Variants in PIP5K1C observed in about 807,000 individuals in gnomAD.
PIP5K1C encodes the protein phosphatidylinositol 4-phosphate 5-kinase type-1 gamma.
PIP5K1C carries 45 observed loss-of-function variants against 80.1 expected under a neutral mutation model. The observed-to-expected ratio is 0.56, with a 90% CI of 0.44 to 0.72. PIP5K1C has a LOEUF of 0.72. Ranked by LOEUF, PIP5K1C falls within the 30% of genes least tolerant of loss-of-function variation. PIP5K1C has a pLI of 0.00. For missense variants in PIP5K1C, 753 were observed against 954.6 expected (o/e 0.79, Z 2.78); for synonymous variants, 498 against 420.1 (o/e 1.19, Z -2.27).
intron 4 of PIP5K1C, among the ~76,000 whole-genome samples, 163 bp downstream of exon 4, chr19:3,661,707 CA>C (rs1250359264): frequency 2.6e-5 from 4 of 152,394 alleles, no homozygotes; most frequent in African/African-American, 9.6e-5. Flanking sequence ...GATTCAGCAG[CA>C]AACAAACGTC....
chr19:3,699,805 G>GGCCC (rs2036240575), intron 1 of PIP5K1C, among the ~76,000 whole-genome samples: 1 of 152,208 alleles, frequency 6.6e-6, no homozygotes, highest in Non-Finnish European at 1.5e-5. Context: ...CACAGCCGGG[G>GGCCC]CGGTGGAGGC....
At chr19:3,641,137 C>T (rs2033943242) in intron 15 of PIP5K1C, among the ~76,000 whole-genome samples, 1 of 151,974 alleles carries the variant, frequency 6.6e-6, no homozygotes, top group South Asian at 2.1e-4. Context: ...ATCACTTGAA[C>T]CTGGGAGACG....
At chr19:3,682,805 A>G (rs1264693469) in intron 1 of PIP5K1C, among the ~76,000 whole-genome samples, 1 of 152,192 alleles carries the variant, frequency 6.6e-6, no homozygotes, top group Non-Finnish European at 1.5e-5. Context: ...CCACAGCCTC[A>G]TGAGAGACCC....
chr19:3,672,181 A>T (rs962825262), intron 1 of PIP5K1C, among the ~76,000 whole-genome samples: 1 of 152,190 alleles, frequency 6.6e-6, no homozygotes, highest in African/African-American at 2.4e-5. Context: ...CTCTCTCTAT[A>T]AAGTGCGGCT....
At chr19:3,639,389 G>A (rs569995977) in intron 15 of PIP5K1C, among the ~76,000 whole-genome samples, 1 of 152,318 alleles carries the variant, frequency 6.6e-6, no homozygotes, top group African/African-American at 2.4e-5. Context: ...GTCAAGTGGG[G>A]AGAGATGGCA....
In PIP5K1C at chr19:3,691,409, A is replaced by C. The variant is rs555734475; in HGVS notation, c.94+8888T>G. ...TTGCAAACGGCCCGCCTGCGAGCAC[A>C]CTGTGACGTGCAGAGCAACCAACCG... On this transcript the variant is annotated intron_variant, in intron 1 of 17. Transcript: ENST00000335312. Among the ~76,000 whole-genome samples, 5 of 152,274 alleles carry C rather than the reference A, an allele frequency of 3.3e-5. No individual in the cohort carries two copies. In the South Asian group the frequency reaches 8.3e-4, roughly 25 times the overall value.
intron 1 of PIP5K1C, among the ~76,000 whole-genome samples, chr19:3,684,956 G>A (rs1009558418): frequency 6.6e-6 from 1 of 152,198 alleles, no homozygotes; most frequent in Non-Finnish European, 1.5e-5. Context: ...TGGGATGGGG[G>A]AGGGTCTCTT....
chr19:3,662,103 G>T (rs748223083), intron 3 of PIP5K1C, 102 bp from the exon 4 acceptor site: 1 of 1,421,276 alleles, frequency 7.0e-7, no homozygotes, highest in Non-Finnish European at 9.5e-7. Flanking sequence ...CTGCAGCTTG[G>T]GACCCGGCAC....
intron 17 of PIP5K1C, 103 bp downstream of exon 17, chr19:3,633,334 C>G: frequency 1.1e-6 from 1 of 906,960 alleles, no homozygotes; most frequent in Non-Finnish European, 1.6e-6. Flanking sequence ...CCTGTGCCCT[C>G]CCGCCCCGGG....
Position 3,646,076 on chromosome 19 carries a change from GGGGTGCCCGGGGGCAGA to G in PIP5K1C, c.1261-35_1261-19del. 1 of 1,534,994 alleles carries G rather than the reference GGGGTGCCCGGGGGCAGA, an allele frequency of 6.5e-7. No individual in the cohort carries two copies. Among genetic ancestry groups the G allele is most frequent in the Non-Finnish European group, 9.0e-7 (1 of 1,109,032 alleles). On this transcript the variant is annotated intron_variant, in intron 10 of 17. Transcript: ENST00000335312. Reference sequence around the variant, plus strand: ...ACCGTGTCCTGGAAGAGAGTTGGGGGGGGTGCCCGGGGGCAGAGGGTGCATCAATCAACAGCTGGGGA... The same window carrying G: ...ACCGTGTCCTGGAAGAGAGTTGGGGGGGGTGCATCAATCAACAGCTGGGGA...
intron 16 of PIP5K1C, among the ~76,000 whole-genome samples, chr19:3,635,427 T>C (rs2145365176): frequency 6.6e-6 from 1 of 152,266 alleles, no homozygotes; most frequent in South Asian, 2.1e-4. Flanking sequence ...CTCACGCCTG[T>C]AATCCCAGAA....
At chr19:3,667,282 G>C (rs2035043687) in intron 2 of PIP5K1C, 40 bp downstream of exon 2, 20 of 1,591,432 alleles carry the variant, frequency 1.3e-5, no homozygotes, top group Non-Finnish European at 1.5e-5. Context: ...AGCAGGTCAG[G>C]GTGGGGACCC....
intron 1 of PIP5K1C, among the ~76,000 whole-genome samples, chr19:3,694,848 C>T (rs1022909600): frequency 6.6e-6 from 1 of 152,246 alleles, no homozygotes; most frequent in Admixed American, 6.5e-5. Context: ...GGTGCCCTCA[C>T]CACACTCATC....
chr19:3,695,898 A>G (rs1002776543), intron 1 of PIP5K1C, among the ~76,000 whole-genome samples: 1 of 151,650 alleles, frequency 6.6e-6, no homozygotes, highest in African/African-American at 2.4e-5. Context: ...TACTTCTTTT[A>G]ATTTTTTTTT....
intron 3 of PIP5K1C, among the ~76,000 whole-genome samples, chr19:3,664,302 C>T (rs1345848904): frequency 1.3e-5 from 2 of 152,306 alleles, no homozygotes; most frequent in Middle Eastern, 3.4e-3. Flanking sequence ...CTGCACAACT[C>T]TGCATATGTA....
chr19:3,698,173 A>G (rs531830767), intron 1 of PIP5K1C, among the ~76,000 whole-genome samples: 66 of 152,368 alleles, frequency 4.3e-4, no homozygotes, highest in African/African-American at 1.6e-3. Context: ...CATGGGCCTC[A>G]GCAGGGGCCT....
At chr19:3,681,432 A>T (rs1266855311) in intron 1 of PIP5K1C, among the ~76,000 whole-genome samples, 1 of 152,000 alleles carries the variant, frequency 6.6e-6, no homozygotes, top group Non-Finnish European at 1.5e-5. Context: ...GAATTTTGCC[A>T]TGTTGGCCAG....
At chr19:3,633,918 G>A (rs768656279) in intron 16 of PIP5K1C, among the ~76,000 whole-genome samples, 32 of 152,106 alleles carry the variant, frequency 2.1e-4, no homozygotes, top group Admixed American at 5.9e-4. Context: ...GGGCACCAGC[G>A]CACAGGCTCC....
intron 12 of PIP5K1C, 27 bp from the exon 13 acceptor site, chr19:3,643,408 T>G (rs1225132159): frequency 2.5e-6 from 4 of 1,612,010 alleles, no homozygotes; most frequent in African/African-American, 2.7e-5. Context: ...GTGGGCACCT[T>G]GCGGAGCCTC....
Sources: gnomAD v4.1 joint callset for allele counts (sites outside exome capture counted in the v4.1 genomes callset) on GRCh38, gnomAD v4.1.1 for gene constraint, MANE v1.5 for transcripts, NCBI Gene and HGNC (gene_info 2026-07-23, HGNC 2026-07-21) for gene names.